The following KSR1 variants were observed in gnomAD, a reference collection of about 807,000 sequenced individuals.
KSR1 encodes kinase suppressor of ras 1.
Under a neutral mutation model 92.9 loss-of-function variants are expected in KSR1, and 35 were observed. That is an observed-to-expected ratio of 0.38 (90% CI 0.29 to 0.50). The LOEUF is 0.50. Among genes scored for constraint, KSR1 ranks in the 20% least tolerant of loss-of-function variants. KSR1 has a pLI of 0.94. For synonymous variants in KSR1, 467 were observed against 472.6 expected (o/e 0.99, Z 0.15); for missense variants, 972 against 1,158.5 (o/e 0.84, Z 2.34).
At chr17:27,535,700 G>T (rs189661292) in intron 1 of KSR1, among the ~76,000 whole-genome samples, 13 of 152,352 alleles carry the variant, frequency 8.5e-5, no homozygotes, top group African/African-American at 3.1e-4. Context: ...AGATTGCAGC[G>T]AAGGAAGATG....
intron 2 of KSR1, among the ~76,000 whole-genome samples, chr17:27,557,560 A>G (rs2071652397): frequency 6.6e-6 from 1 of 152,216 alleles, no homozygotes; most frequent in South Asian, 2.1e-4. Flanking sequence ...ATGGGTATCT[A>G]GAATGGGCCT....
Position 27,559,360 on chromosome 17 carries a change from C to A in KSR1, c.372+8652C>A, listed in dbSNP as rs1250219672. ...TGTTGGAGACAGAACTTGGGCAATG[C>A]CTGCATGTGTTTGCCCAACCACTAG... On this transcript the variant is annotated intron_variant, in intron 2 of 20. Transcript: ENST00000644974. This position sits in a 1 kb window ranked among gnomAD's most constrained non-coding sequence, Gnocchi z 4.2. 6.6e-6 allele frequency among the ~76,000 whole-genome samples: 1 copy of A among 152,208 alleles called. No homozygotes were observed. Among genetic ancestry groups the A allele is most frequent in the Non-Finnish European group, 1.5e-5 (1 of 68,034 alleles).
intron 1 of KSR1, among the ~76,000 whole-genome samples, chr17:27,547,092 C>A (rs2071205380): frequency 6.6e-6 from 1 of 152,188 alleles, no homozygotes; most frequent in South Asian, 2.1e-4. Context: ...TCTGCACTTG[C>A]CACTGAGCCC....
chr17:27,461,908 C>T (rs911290286), intron 1 of KSR1, among the ~76,000 whole-genome samples: 4 of 72,734 alleles, frequency 5.5e-5, no homozygotes, highest in Admixed American at 1.3e-4. Flanking sequence ...CGCTGGCCCA[C>T]GGTGGCAGTG....
rs1347744362 is a variant in KSR1 at position 27,580,216 on chromosome 17, A to C, written c.521-2430A>C. Among the ~76,000 whole-genome samples the C allele has an allele frequency of 2.6e-5, 4 of 152,136 alleles. No individual in the cohort carries two copies. In the East Asian group the frequency reaches 7.7e-4, roughly 29 times the overall value. ...GCTTACTCATAGATTCATGAAATTCATCCTTTCATCTGCTCAATAAGAAAC... is the reference window on the plus strand; with the variant it reads ...GCTTACTCATAGATTCATGAAATTCCTCCTTTCATCTGCTCAATAAGAAAC... On this transcript the variant is annotated intron_variant, in intron 3 of 20. Transcript: ENST00000644974.
At position 27,615,465 on chromosome 17, in the gene KSR1, T is replaced by C. The variant is rs1379464797; in HGVS notation, c.2494-1830T>C. ...TGGACCATGGCTTTCTTGTGCAGTT[T>C]AGGTTTTTCCTGTAGTTTCTAATTG... is the stretch of plus-strand genomic sequence containing the variant. On this transcript the variant is annotated intron_variant, in intron 18 of 20. Transcript: ENST00000644974. Among the ~76,000 whole-genome samples the C allele has an allele frequency of 2.6e-5, 4 of 152,382 alleles. No individual in the cohort carries two copies. In the East Asian group the frequency reaches 7.7e-4, roughly 29 times the overall value.
At chr17:27,473,228 C>T (rs1197350447) in intron 1 of KSR1, among the ~76,000 whole-genome samples, 1 of 152,218 alleles carries the variant, frequency 6.6e-6, no homozygotes, top group Non-Finnish European at 1.5e-5. Flanking sequence ...GTGTTCATTT[C>T]ATTGCCCTCT....
At chr17:27,493,725 G>C (rs903176238) in intron 1 of KSR1, among the ~76,000 whole-genome samples, 4 of 152,130 alleles carry the variant, frequency 2.6e-5, no homozygotes, top group African/African-American at 9.7e-5. Flanking sequence ...TAAACTCTCT[G>C]TAATTATGGG....
At chr17:27,611,075 C>T (rs571093732) in intron 17 of KSR1, among the ~76,000 whole-genome samples, 34 of 152,336 alleles carry the variant, frequency 2.2e-4, no homozygotes, top group African/African-American at 7.5e-4. Flanking sequence ...TCCTCCCTGA[C>T]CTTTAACTGT....
At chr17:27,504,404 A>G (rs1310530890) in intron 1 of KSR1, among the ~76,000 whole-genome samples, 4 of 151,810 alleles carry the variant, frequency 2.6e-5, no homozygotes, top group African/African-American at 7.3e-5. Flanking sequence ...ACGTTTGTTG[A>G]GTGAGTTGGG....
intron 1 of KSR1, among the ~76,000 whole-genome samples, chr17:27,540,062 G>A (rs748292491): frequency 6.6e-5 from 10 of 152,208 alleles, no homozygotes; most frequent in Non-Finnish European, 1.3e-4. Flanking sequence ...AAGCATCATG[G>A]GTGCTTTTAA....
intron 11 of KSR1, among the ~76,000 whole-genome samples, chr17:27,602,210 G>T (rs931126436): frequency 3.9e-5 from 6 of 152,152 alleles, no homozygotes; most frequent in African/African-American, 1.4e-4. Flanking sequence ...TTAGGGGGTT[G>T]ACTTGGAGCA....
At chr17:27,499,669 G>A (rs550815101) in intron 1 of KSR1, among the ~76,000 whole-genome samples, 1 of 152,178 alleles carries the variant, frequency 6.6e-6, no homozygotes, top group African/African-American at 2.4e-5. Flanking sequence ...AGAGCTATTG[G>A]CAAGGCACTC....
intron 1 of KSR1, among the ~76,000 whole-genome samples, chr17:27,479,923 G>T (rs532047705): frequency 6.6e-6 from 1 of 152,152 alleles, no homozygotes; most frequent in Non-Finnish European, 1.5e-5. Flanking sequence ...ATATTCTCTC[G>T]GGTGTGTGTG....
chr17:27,524,382 C>T (rs2070164392), intron 1 of KSR1, among the ~76,000 whole-genome samples: 2 of 152,190 alleles, frequency 1.3e-5, no homozygotes, highest in Non-Finnish European at 1.5e-5. Flanking sequence ...GGAAATGTGT[C>T]AAGATCTTTG....
In KSR1 at chr17:27,609,473, G is replaced by A. The variant is rs959373308; in HGVS notation, c.2225+144G>A. 1.1e-5 allele frequency: 12 copies of A among 1,082,092 alleles called. No individual in the cohort carries two copies. In the African/African-American group the frequency reaches 1.6e-4, roughly 14 times the overall value. The allele number at this position is 1,082,092 out of a possible 1,614,324, so 67.0% of individuals were successfully genotyped here. On this transcript the variant is annotated intron_variant, in intron 16 of 20. Transcript: ENST00000644974. ...AGGTCGCTTTGGTCCTGCCCTCGTA[G>A]TTCTGGTTCAGAATCAGATTTGGGT... is the stretch of plus-strand genomic sequence containing the variant.
intron 1 of KSR1, among the ~76,000 whole-genome samples, chr17:27,468,805 A>G (rs2019832175): frequency 6.6e-6 from 1 of 151,994 alleles, no homozygotes; most frequent in East Asian, 1.9e-4. Flanking sequence ...CCCCCGCCGC[A>G]CCTGAAACCT....
Position 27,605,397 on chromosome 17 carries a change from C to A in KSR1, c.1615-37C>A, listed in dbSNP as rs752525517. The A allele has an allele frequency of 5.7e-6, 9 of 1,590,716 alleles. No homozygotes were observed. In the African/African-American group the frequency reaches 9.4e-5, roughly 17 times the overall value. On this transcript the variant is annotated intron_variant, in intron 13 of 20. Coordinates refer to ENST00000644974, the MANE Select transcript of KSR1 (RefSeq NM_001394583.1). ...GGAAGAGACGTCGCAGAGCCCAGAT[C>A]TGCTGCCCATCCCTGTTCTTCCTGC...
intron 1 of KSR1, among the ~76,000 whole-genome samples, chr17:27,531,299 G>T (rs1448785105): frequency 1.3e-5 from 2 of 152,264 alleles, no homozygotes; most frequent in African/African-American, 4.8e-5. Context: ...GCTGGGTCAT[G>T]GCCTTGGCAC....
Sources: allele counts gnomAD v4.1 joint callset (sites outside exome capture counted in the v4.1 genomes callset), GRCh38; gene constraint gnomAD v4.1.1; non-coding constraint Gnocchi (gnomAD v3.1); transcripts MANE v1.5; gene names NCBI Gene and HGNC (gene_info 2026-07-23, HGNC 2026-07-21).